LCOR: variants seen among roughly 807,000 people sequenced by gnomAD.
LCOR encodes ligand dependent nuclear receptor corepressor.
Under a neutral mutation model 64.4 loss-of-function variants are expected in LCOR, and 14 were observed. The observed-to-expected ratio is 0.22, with a 90% CI of 0.14 to 0.34. The LOEUF is 0.34. Among genes scored for constraint, LCOR ranks in the 10% least tolerant of loss-of-function variants. LCOR has a pLI of 1.00. For missense variants in LCOR, 1,686 were observed against 1,765.3 expected (o/e 0.96, Z 0.80); for synonymous variants, 643 against 642.5 (o/e 1.00, Z -0.01).
At chr10:96,834,365 A>G (rs963241467) in intron 2 of LCOR, among the ~76,000 whole-genome samples, 1 of 152,172 alleles carries the variant, frequency 6.6e-6, no homozygotes, top group Non-Finnish European at 1.5e-5. Context: ...CCAATCCAAG[A>G]CCAGTGCTGC....
At chr10:96,949,796 A>G (rs973730038) in intron 6 of LCOR, among the ~76,000 whole-genome samples, 23 of 152,214 alleles carry the variant, frequency 1.5e-4, no homozygotes, top group African/African-American at 5.5e-4. Context: ...GCAGCAGAAC[A>G]TACTTTAGGT....
At chr10:96,918,580 A>G (rs1010081417) in intron 4 of LCOR, among the ~76,000 whole-genome samples, 12 of 152,252 alleles carry the variant, frequency 7.9e-5, no homozygotes, top group Non-Finnish European at 1.6e-4. Context: ...CTTAAGTACT[A>G]TACTCATAGA....
chr10:96,978,852 TTTTGTGC>T (rs1182012144), intron 7 of LCOR, among the ~76,000 whole-genome samples: 2 of 152,242 alleles, frequency 1.3e-5, no homozygotes, highest in Non-Finnish European at 2.9e-5. Flanking sequence ...GCACCTGCCC[TTTTGTGC>T]TTTGTGCTTT....
rs1221501353 is a variant in LCOR, at chr10:96,892,224, TCTTC to T, written c.-329-15036_-329-15033del. Reference sequence around the variant, plus strand: ...CTCTAGCTATTATTGTTGAGCCATTTCTTCCTTCAAGTCTGTCAATTTTTGCTTC... The same window carrying T: ...CTCTAGCTATTATTGTTGAGCCATTTCTTCAAGTCTGTCAATTTTTGCTTC... On this transcript the variant is annotated intron_variant, in intron 2 of 7. Coordinates refer to ENST00000421806, the MANE Select transcript of LCOR (RefSeq NM_001346516.2). Among the ~76,000 whole-genome samples the T allele has an allele frequency of 5.3e-5, 8 of 152,334 alleles. No individual in the cohort carries two copies. In the East Asian group the frequency reaches 1.3e-3, roughly 26 times the overall value.
Position 96,983,840 on chromosome 10 carries a change from AGTT to A in LCOR, c.3382_3384del (p.Leu1128del). The A allele has an allele frequency of 6.2e-7, 1 of 1,614,170 alleles. No homozygotes were observed. The highest frequency in any genetic ancestry group is 8.5e-7 in the Non-Finnish European group (1 of 1,180,026). On this transcript the variant is annotated inframe_deletion, in exon 8 of 8. Transcript: ENST00000421806. This position sits in a 1 kb window ranked among gnomAD's most constrained non-coding sequence, Gnocchi z 4.5. ...ATGAAAGTTCAGAAGGGCTGGATCC[AGTT>A]GGAGAAAGAAGGACAGCCAACACCA...
chr10:96,949,552 G>C (rs1234206312), intron 6 of LCOR, among the ~76,000 whole-genome samples: 3 of 152,086 alleles, frequency 2.0e-5, no homozygotes, highest in Admixed American at 6.6e-5. Flanking sequence ...TAATCTTTCA[G>C]TTACTTGATA....
intron 2 of LCOR, among the ~76,000 whole-genome samples, chr10:96,876,925 C>T (rs1313848116): frequency 6.6e-6 from 1 of 152,122 alleles, no homozygotes; most frequent in Non-Finnish European, 1.5e-5. Flanking sequence ...GAACTCCTGA[C>T]CTCAGGTGAT....
At chr10:96,949,361 A>AG in intron 6 of LCOR, 66 bp downstream of exon 6, 1 of 1,401,762 alleles carries the variant, frequency 7.1e-7, no homozygotes, top group Non-Finnish European at 9.9e-7. Context: ...GAAAAAAAAA[A>AG]GCATTGGCAA....
chr10:96,906,833 TAACTC>T (rs1353191839), intron 2 of LCOR, among the ~76,000 whole-genome samples: 3 of 152,216 alleles, frequency 2.0e-5, no homozygotes, highest in Non-Finnish European at 2.9e-5. Flanking sequence ...TTCATAAACT[TAACTC>T]AAAATCTGTT....
chr10:96,963,755 T>G (rs146881248), intron 7 of LCOR: 1 of 152,364 alleles, frequency 6.6e-6, no homozygotes, highest in Admixed American at 6.5e-5. Context: ...AAATTGCTTT[T>G]GTTTTCTGCA....
chr10:96,897,114 A>C (rs35461979), intron 2 of LCOR, among the ~76,000 whole-genome samples: 4,284 of 151,638 alleles, frequency 0.028, 94 homozygotes, highest in Non-Finnish European at 0.035. Context: ...AAAAAAAAAA[A>C]AAACCCAAAA....
chr10:96,934,891 C>T (rs1174034699), intron 4 of LCOR, among the ~76,000 whole-genome samples: 5 of 152,124 alleles, frequency 3.3e-5, no homozygotes, highest in African/African-American at 7.2e-5. Flanking sequence ...CGTGAGCCAC[C>T]GCACCTGGTC....
At chr10:96,832,976 TGGG>T (rs1845371434) in intron 1 of LCOR, 2 of 981,636 alleles carry the variant, frequency 2.0e-6, no homozygotes, top group Non-Finnish European at 2.4e-6. Flanking sequence ...GAGGTGGAGA[TGGG>T]GGCGGAGGGA....
chr10:96,925,177 G>C (rs1413021688), intron 4 of LCOR, among the ~76,000 whole-genome samples: 1 of 152,130 alleles, frequency 6.6e-6, no homozygotes, highest in Non-Finnish European at 1.5e-5. Flanking sequence ...CCGGGTTCAA[G>C]TGGTTCTCCT....
At chr10:96,833,068 T>C (rs1433980556) in intron 1 of LCOR, 12 of 986,184 alleles carry the variant, frequency 1.2e-5, no homozygotes, top group Non-Finnish European at 1.4e-5. Context: ...GCGGCTGCAC[T>C]TCCTCAGCGG....
At chr10:96,859,154 G>A (rs1045919314) in intron 2 of LCOR, among the ~76,000 whole-genome samples, 2 of 152,030 alleles carry the variant, frequency 1.3e-5, no homozygotes, top group Non-Finnish European at 2.9e-5. Context: ...GATATCATCA[G>A]GAATGTTTCC....
chr10:96,837,899 C>T (rs1384033128), intron 2 of LCOR, among the ~76,000 whole-genome samples: 2 of 152,192 alleles, frequency 1.3e-5, no homozygotes, highest in Non-Finnish European at 2.9e-5. Context: ...TCCCGTAAGT[C>T]TGTCCATCTG....
intron 4 of LCOR, among the ~76,000 whole-genome samples, chr10:96,941,232 G>A (rs1345898665): frequency 7.5e-5 from 10 of 132,494 alleles, no homozygotes; most frequent in South Asian, 2.4e-4. Flanking sequence ...CTGGCCGGGC[G>A]GGGGGCTGAC....
chr10:96,960,384 T>A (rs1454285945), intron 7 of LCOR: 1 of 152,222 alleles, frequency 6.6e-6, no homozygotes, highest in Non-Finnish European at 1.5e-5. Flanking sequence ...TATGAGAGAT[T>A]GGCATCATTT....
Sources: gnomAD v4.1 joint callset for allele counts (sites outside exome capture counted in the v4.1 genomes callset) on GRCh38, gnomAD v4.1.1 for gene constraint, Gnocchi (gnomAD v3.1) non-coding constraint, MANE v1.5 for transcripts, NCBI Gene and HGNC (gene_info 2026-07-23, HGNC 2026-07-21) for gene names.